Variants in SGCD observed in about 807,000 individuals in gnomAD.
SGCD encodes the protein sarcoglycan delta, also known as delta-sarcoglycan.
In SGCD, 18 loss-of-function variants were observed where a neutral mutation model predicts 36.6. The ratio of observed to expected loss-of-function variants is 0.49; its 90% CI spans 0.34 to 0.73. The LOEUF is 0.73. SGCD is among the 30% of genes least tolerant of loss of function. The probability of loss-of-function intolerance (pLI) is 0.01; values close to 1 mark genes in which losing one functional copy is unlikely to be tolerated. For missense variants in SGCD, 387 were observed against 346.7 expected (o/e 1.12, Z -0.92); for synonymous variants, 133 against 130.6 (o/e 1.02, Z -0.12).
At chr5:156,497,642 TCTCA>T (rs1211296843) in intron 3 of SGCD, among the ~76,000 whole-genome samples, 2 of 151,496 alleles carry the variant, frequency 1.3e-5, no homozygotes, top group East Asian at 3.9e-4. Context: ...TCTCTCTCTC[TCTCA>T]CACACACACA....
chr5:156,671,146 T>C (rs965496372), intron 7 of SGCD, among the ~76,000 whole-genome samples: 8 of 151,922 alleles, frequency 5.3e-5, no homozygotes, highest in African/African-American at 1.2e-4. Flanking sequence ...TTAATAATAG[T>C]TTCTCTCAAG....
chr5:156,624,704 C>T (rs1014525685), intron 6 of SGCD, among the ~76,000 whole-genome samples: 10 of 152,146 alleles, frequency 6.6e-5, no homozygotes, highest in South Asian at 2.1e-4. Context: ...TTCTAGAGTA[C>T]GAGTTGAATT....
intron 1 of SGCD, among the ~76,000 whole-genome samples, chr5:155,965,143 A>G (rs113442597): frequency 0.023 from 3,509 of 152,218 alleles, 134 homozygotes; most frequent in African/African-American, 0.075. Flanking sequence ...CTGTACACAA[A>G]GAGGGTTGAA....
chr5:156,425,317 C>T (rs1286625404), intron 3 of SGCD, among the ~76,000 whole-genome samples: 1 of 152,062 alleles, frequency 6.6e-6, no homozygotes, highest in East Asian at 1.9e-4. Context: ...AAACCAGCCT[C>T]CTTTTTAAAC....
intron 3 of SGCD, among the ~76,000 whole-genome samples, chr5:156,407,407 C>A (rs1772484968): frequency 6.6e-6 from 1 of 152,214 alleles, no homozygotes; most frequent in South Asian, 2.1e-4. Context: ...TTCTTCCTTT[C>A]CTGTTGCTGT....
chr5:156,074,139 T>C (rs892589863), intron 1 of SGCD, among the ~76,000 whole-genome samples: 1 of 152,244 alleles, frequency 6.6e-6, no homozygotes, highest in African/African-American at 2.4e-5. Context: ...TTTACTTATT[T>C]ATTATATATC....
At chr5:156,087,255 C>A (rs1581091117) in intron 1 of SGCD, among the ~76,000 whole-genome samples, 2 of 152,122 alleles carry the variant, frequency 1.3e-5, no homozygotes, top group South Asian at 4.1e-4. Flanking sequence ...TTATTTAGGG[C>A]TAATGAGATA....
the SGCD span, among the ~76,000 whole-genome samples, chr5:155,770,450 G>A: frequency 1.5e-4 from 23 of 152,244 alleles, no homozygotes; most frequent in African/African-American, 4.8e-4. Flanking sequence ...GCAAGAAAAT[G>A]CTTAGCTGTA....
chr5:156,296,970 A>C (rs1169480771), intron 3 of SGCD, among the ~76,000 whole-genome samples: 4 of 151,846 alleles, frequency 2.6e-5, no homozygotes, highest in African/African-American at 9.7e-5. Context: ...TATATATAGT[A>C]TATATGTACA....
chr5:156,761,960 G>A lies in SGCD; in HGVS notation c.*2570G>A, dbSNP rs1757507649. The A allele has an allele frequency of 1.3e-5, 2 of 152,466 alleles. No individual in the cohort carries two copies. The highest frequency in any genetic ancestry group is 4.8e-5 in the African/African-American group (2 of 41,442). 9.4% of individuals were successfully genotyped at this position (152,466 alleles called of 1,614,324 possible). ...ATACAAAGTAATAAGCAGGAAATTT[G>A]ATATGGGTTAAATTATGCATTTTGT... On this transcript the variant is annotated 3_prime_UTR_variant, in exon 9 of 9. Transcript: ENST00000337851.
chr5:156,087,157 C>T (rs1404861181), intron 1 of SGCD, among the ~76,000 whole-genome samples: 2 of 152,178 alleles, frequency 1.3e-5, no homozygotes, highest in East Asian at 3.8e-4. Flanking sequence ...ACTTTTTCCA[C>T]CAGGATGGTC....
At chr5:156,184,371 G>GTTTT (rs3036754) in intron 3 of SGCD, among the ~76,000 whole-genome samples, 2,813 of 141,478 alleles carry the variant, frequency 0.02, 78 homozygotes, top group African/African-American at 0.057. Context: ...CAAGCAGCCA[G>GTTTT]TTTTTTTTTT....
rs1755055850 is a variant in SGCD, at chr5:156,712,893, G to A, written c.576-44688G>A. The stretch of plus-strand genomic sequence containing the variant: ...ACTTAAACCAGTGGGAAACTGATGA[G>A]TTTACTTGTTATCTATCCCCCATAC... On this transcript the variant is annotated intron_variant, in intron 7 of 8. Transcript: ENST00000337851. Among the ~76,000 whole-genome samples the A allele has an allele frequency of 2.6e-5, 4 of 152,082 alleles. No homozygotes were observed. The South Asian group carries it at 8.3e-4, about 32-fold the overall frequency.
intron 3 of SGCD, among the ~76,000 whole-genome samples, chr5:156,183,615 C>T (rs945057845): frequency 2.0e-5 from 3 of 152,124 alleles, no homozygotes; most frequent in African/African-American, 7.2e-5. Flanking sequence ...ACTGTATTGG[C>T]CAGGGTGGTC....
At chr5:155,992,107 T>C (rs1289035101) in intron 1 of SGCD, among the ~76,000 whole-genome samples, 12 of 152,196 alleles carry the variant, frequency 7.9e-5, no homozygotes, top group Non-Finnish European at 1.3e-4. Context: ...TCCCACAAAA[T>C]ATATACAATT....
At chr5:155,922,694 A>T (rs1383258837) in intron 1 of SGCD, among the ~76,000 whole-genome samples, 1 of 152,130 alleles carries the variant, frequency 6.6e-6, no homozygotes, top group Non-Finnish European at 1.5e-5. Flanking sequence ...CTCTTAGGTT[A>T]TACTCAGCTC....
At chr5:155,728,981 A>G in the SGCD span, among the ~76,000 whole-genome samples, 10 of 152,202 alleles carry the variant, frequency 6.6e-5, no homozygotes, top group African/African-American at 2.2e-4. Context: ...GATAGCGTTT[A>G]TACCCAGGGG....
At chr5:156,580,853 T>C (rs1288007870) in intron 4 of SGCD, among the ~76,000 whole-genome samples, 1 of 152,226 alleles carries the variant, frequency 6.6e-6, no homozygotes, top group African/African-American at 2.4e-5. Context: ...AACATCCTCC[T>C]ATAGCTCGGA....
chr5:156,742,963 T>C (rs1179104413), intron 7 of SGCD, among the ~76,000 whole-genome samples: 3 of 152,172 alleles, frequency 2.0e-5, no homozygotes, highest in African/African-American at 7.2e-5. Context: ...CCTAGAATAA[T>C]GTTTGACCAA....
Sources: gnomAD v4.1 joint callset for allele counts (sites outside exome capture counted in the v4.1 genomes callset) on GRCh38, gnomAD v4.1.1 for gene constraint, MANE v1.5 for transcripts, NCBI Gene and HGNC (gene_info 2026-07-23, HGNC 2026-07-21) for gene names.